The following PBX1 variants were observed in gnomAD, a reference collection of about 807,000 sequenced individuals.
PBX1 encodes PBX homeobox 1, also known as pre-B-cell leukemia transcription factor 1.
In PBX1, 6 loss-of-function variants were observed where a neutral mutation model predicts 53.4. That is an observed-to-expected ratio of 0.11 (90% CI 0.06 to 0.22). The LOEUF is 0.22. PBX1 is among the 10% of genes least tolerant of loss of function. PBX1 has a pLI of 1.00. For synonymous variants in PBX1, 204 were observed against 212.3 expected, an observed-to-expected ratio of 0.96 and a Z score of 0.34; for missense variants, 251 against 551.4, an observed-to-expected ratio of 0.46 and a Z score of 5.46.
intron 8 of PBX1, among the ~76,000 whole-genome samples, chr1:164,839,054 T>C (rs1671173264): frequency 6.6e-6 from 1 of 152,202 alleles, no homozygotes; most frequent in African/African-American, 2.4e-5. Context: ...TCTCCCCTGT[T>C]CCATTCTTTC....
At chr1:164,798,631 G>A (rs1558014328) in intron 3 of PBX1, among the ~76,000 whole-genome samples, 1 of 152,136 alleles carries the variant, frequency 6.6e-6, no homozygotes, top group South Asian at 2.1e-4. Flanking sequence ...CAGCTCTCTG[G>A]GCCACTTCTT....
intron 2 of PBX1, among the ~76,000 whole-genome samples, chr1:164,775,569 G>T (rs1189609276): frequency 6.6e-6 from 1 of 151,838 alleles, no homozygotes; most frequent in Non-Finnish European, 1.5e-5. Context: ...TGTGGCTTGG[G>T]TGCAGTCTAC....
chr1:164,583,537 T>A (rs1468715918), intron 2 of PBX1, among the ~76,000 whole-genome samples: 1 of 152,028 alleles, frequency 6.6e-6, no homozygotes, highest in East Asian at 1.9e-4. Context: ...GCAGCTGGAG[T>A]TGTGGCCACC....
In PBX1 at chr1:164,711,642, G is replaced by A. The variant is rs372533261; in HGVS notation, c.266-80852G>A. On this transcript the variant is annotated intron_variant, in intron 2 of 8. Coordinates refer to ENST00000420696, the MANE Select transcript of PBX1 (RefSeq NM_002585.4). ...GCTTTCTGTGTCAAGCCTGAGGAATGAATCTCATGAAAGAGCATTGGGAGA... is the reference window on the plus strand; with the variant it reads ...GCTTTCTGTGTCAAGCCTGAGGAATAAATCTCATGAAAGAGCATTGGGAGA... Among the ~76,000 whole-genome samples the A allele has an allele frequency of 3.3e-5, 5 of 152,336 alleles. No homozygotes were observed. The East Asian group carries it at 9.7e-4, about 29-fold the overall frequency.
rs184581544 is a variant in PBX1 at position 164,756,391 on chromosome 1, C to T, written c.266-36103C>T. Among the ~76,000 whole-genome samples the T allele has an allele frequency of 4.4e-3, 665 of 152,144 alleles. 3 individuals carry two copies. The highest frequency in any genetic ancestry group is 8.4e-3 in the Non-Finnish European group (571 of 67,982). ...ATCCTTTAATTTGGGCATTGCGAAA[C>T]GTTAAAAATTGGAAAAGTTGTTTTT... is the stretch of plus-strand genomic sequence containing the variant. On this transcript the variant is annotated intron_variant, in intron 2 of 8. Coordinates refer to ENST00000420696, the MANE Select transcript of PBX1 (RefSeq NM_002585.4).
chr1:164,863,937 T>A (rs2102445540), intron 2 of PBX1, among the ~76,000 whole-genome samples: 1 of 152,336 alleles, frequency 6.6e-6, no homozygotes, highest in South Asian at 2.1e-4. Flanking sequence ...AGTGGTTTCA[T>A]TCATTCATCT....
At chr1:164,743,622 A>C (rs1232074376) in intron 2 of PBX1, among the ~76,000 whole-genome samples, 1 of 152,186 alleles carries the variant, frequency 6.6e-6, no homozygotes, top group Non-Finnish European at 1.5e-5. Flanking sequence ...AGTTAAAGTT[A>C]AGTCTCTCAG....
intron 2 of PBX1, among the ~76,000 whole-genome samples, chr1:164,679,494 A>G (rs919984346): frequency 3.3e-5 from 5 of 152,130 alleles, no homozygotes; most frequent in African/African-American, 1.2e-4. Flanking sequence ...AGTGTATGCA[A>G]TCCTGTGGGC....
chr1:164,870,008 A>G (rs1254917182), intron 2 of PBX1, among the ~76,000 whole-genome samples: 1 of 152,182 alleles, frequency 6.6e-6, no homozygotes, highest in Non-Finnish European at 1.5e-5. Flanking sequence ...GAGATCCATT[A>G]GTTCACAGCC....
intron 2 of PBX1, among the ~76,000 whole-genome samples, chr1:164,873,632 C>T (rs950659726): frequency 2.6e-5 from 4 of 152,128 alleles, no homozygotes; most frequent in African/African-American, 9.7e-5. Context: ...GTGGTGACAC[C>T]TTATTTCACC....
chr1:164,654,096 G>T (rs1660004705), intron 2 of PBX1, among the ~76,000 whole-genome samples: 1 of 152,122 alleles, frequency 6.6e-6, no homozygotes, highest in Non-Finnish European at 1.5e-5. Flanking sequence ...AGAAATTGCT[G>T]GCAGATATTC....
At chr1:164,668,098 T>C (rs6665051) in intron 2 of PBX1, among the ~76,000 whole-genome samples, 10,530 of 152,216 alleles carry the variant, frequency 0.069, 608 homozygotes, top group African/African-American at 0.16. Context: ...GGTGAATTCC[T>C]CCTTTACGTT....
chr1:164,832,226 G>A (rs1241565367), intron 8 of PBX1, among the ~76,000 whole-genome samples: 2 of 152,234 alleles, frequency 1.3e-5, no homozygotes, highest in Non-Finnish European at 2.9e-5. Context: ...TATGTTGCCT[G>A]GTGATAAGCA....
At chr1:164,783,129 A>T (rs1376878146) in intron 2 of PBX1, among the ~76,000 whole-genome samples, 1 of 152,168 alleles carries the variant, frequency 6.6e-6, no homozygotes, top group Non-Finnish European at 1.5e-5. Context: ...CCAGGCCAGG[A>T]GGATGGTGTC....
At chr1:164,759,708 C>T (rs908646504) in intron 2 of PBX1, among the ~76,000 whole-genome samples, 4 of 152,144 alleles carry the variant, frequency 2.6e-5, no homozygotes, top group African/African-American at 4.8e-5. Flanking sequence ...AACCCTGGCA[C>T]AGGTGGACAA....
At chr1:164,721,676 G>GA (rs1466291156) in intron 2 of PBX1, among the ~76,000 whole-genome samples, 1 of 152,150 alleles carries the variant, frequency 6.6e-6, no homozygotes, top group African/African-American at 2.4e-5. Flanking sequence ...CCACAGGTAT[G>GA]AATACTGAAC....
rs368478900 is a variant in PBX1 at position 164,739,935 on chromosome 1, C to T, written c.266-52559C>T. On this transcript the variant is annotated intron_variant, in intron 2 of 8. Transcript: ENST00000420696. ...TCTAGGCCCCAATACTAGAGGTTTGCGGGTGAAAATAAAATGAAAATACAC... is the reference window on the plus strand; with the variant it reads ...TCTAGGCCCCAATACTAGAGGTTTGTGGGTGAAAATAAAATGAAAATACAC... 1.3e-3 allele frequency among the ~76,000 whole-genome samples: 195 copies of T among 152,074 alleles called. 1 individual carries two copies. The highest frequency in any genetic ancestry group is 4.5e-3 in the African/African-American group (187 of 41,516).
At chr1:164,743,901 C>T (rs1370057910) in intron 2 of PBX1, among the ~76,000 whole-genome samples, 1 of 152,166 alleles carries the variant, frequency 6.6e-6, no homozygotes, top group Admixed American at 6.5e-5. Flanking sequence ...TATGGCTACT[C>T]CTAGCTGCGA....
chr1:164,703,012 T>C (rs956857095), intron 2 of PBX1: 5 of 141,588 alleles, frequency 3.5e-5, no homozygotes, highest in African/African-American at 1.3e-4. Flanking sequence ...ATGTCTATTA[T>C]TAAAAAAAAA....
Sources: gnomAD v4.1 joint callset for allele counts (sites outside exome capture counted in the v4.1 genomes callset) on GRCh38, gnomAD v4.1.1 for gene constraint, MANE v1.5 for transcripts, NCBI Gene and HGNC (gene_info 2026-07-23, HGNC 2026-07-21) for gene names.